ERC2: variants seen among roughly 807,000 people sequenced by gnomAD.
ERC2 encodes ERC protein 2.
A neutral mutation model predicts 114.8 loss-of-function variants in ERC2; 42 were observed. The ratio of observed to expected loss-of-function variants is 0.37; its 90% CI spans 0.29 to 0.47. ERC2 has a LOEUF of 0.47. ERC2 is among the 20% of genes least tolerant of loss of function. The probability of loss-of-function intolerance (pLI) is 0.99; values close to 1 mark genes in which losing one functional copy is unlikely to be tolerated. For missense variants in ERC2, 939 were observed against 1,150.7 expected, an observed-to-expected ratio of 0.82 and a Z score of 2.66; for synonymous variants, 454 against 425.5, an observed-to-expected ratio of 1.07 and a Z score of -0.82.
At chr3:55,638,444 T>G (rs2060042936) in intron 17 of ERC2, among the ~76,000 whole-genome samples, 1 of 152,252 alleles carries the variant, frequency 6.6e-6, no homozygotes, top group Admixed American at 6.5e-5. Context: ...GCAGTCATCG[T>G]TGTGCATAGC....
intron 3 of ERC2, among the ~76,000 whole-genome samples, chr3:56,221,037 A>C (rs971092143): frequency 3.3e-5 from 5 of 152,224 alleles, no homozygotes; most frequent in Admixed American, 3.3e-4. Flanking sequence ...TTAAATATAC[A>C]TAATACTCTA....
chr3:55,788,233 T>C (rs1482942451), intron 14 of ERC2, among the ~76,000 whole-genome samples: 2 of 152,166 alleles, frequency 1.3e-5, no homozygotes, highest in African/African-American at 2.4e-5. Flanking sequence ...TAGATCTACA[T>C]GTCTGACTTA....
chr3:55,537,668 A>G (rs1296284506), intron 17 of ERC2, among the ~76,000 whole-genome samples: 6 of 152,234 alleles, frequency 3.9e-5, no homozygotes, highest in Admixed American at 2.6e-4. Flanking sequence ...TCTTTCAGAT[A>G]CAAAGAAATC....
intron 17 of ERC2, among the ~76,000 whole-genome samples, chr3:55,597,090 T>G (rs191551947): frequency 3.4e-4 from 52 of 152,296 alleles, no homozygotes; most frequent in African/African-American, 1.2e-3. Context: ...ACAAGAAGCA[T>G]TATTATGTAC....
chr3:55,980,511 T>C (rs2070031191), intron 12 of ERC2, among the ~76,000 whole-genome samples: 1 of 152,182 alleles, frequency 6.6e-6, no homozygotes, highest in South Asian at 2.1e-4. Context: ...CATAATGAAG[T>C]GATAGAATTC....
At chr3:56,081,727 G>T (rs1006739301) in intron 6 of ERC2, among the ~76,000 whole-genome samples, 1 of 151,818 alleles carries the variant, frequency 6.6e-6, no homozygotes, top group Non-Finnish European at 1.5e-5. Context: ...GCAAAGAAAG[G>T]TCTATTTCTA....
intron 13 of ERC2, among the ~76,000 whole-genome samples, chr3:55,942,660 G>A (rs2066888812): frequency 6.6e-6 from 1 of 151,938 alleles, no homozygotes; most frequent in African/African-American, 2.4e-5. Flanking sequence ...GCTTTTTCCA[G>A]GCAACATAAA....
chr3:55,567,524 T>C (rs528012160), intron 17 of ERC2, among the ~76,000 whole-genome samples: 1 of 152,294 alleles, frequency 6.6e-6, no homozygotes, highest in Admixed American at 6.5e-5. Context: ...CTGGTCCTTC[T>C]GAGCGTATAG....
At chr3:55,567,145 G>A (rs2056427592) in intron 17 of ERC2, among the ~76,000 whole-genome samples, 1 of 152,190 alleles carries the variant, frequency 6.6e-6, no homozygotes, top group African/African-American at 2.4e-5. Flanking sequence ...ATGCAAACAA[G>A]ATCCTTCCCT....
rs142627533 is a variant in ERC2 at position 55,863,515 on chromosome 3, C to A, written c.2564+24874G>T. On this transcript the variant is annotated intron_variant, in intron 14 of 17. Transcript: ENST00000288221. ...GCCAGATTGGTTTTCCTTCCTTTTT[C>A]AAGGAAACTGAAGCAGAGTTGGGCT... is the stretch of plus-strand genomic sequence containing the variant. Among the ~76,000 whole-genome samples, 350 of 152,076 alleles carry A rather than the reference C, an allele frequency of 2.3e-3. 3 individuals are homozygous for A. Among genetic ancestry groups the A allele is most frequent in the African/African-American group, 8.2e-3 (339 of 41,496 alleles).
intron 4 of ERC2, among the ~76,000 whole-genome samples, chr3:56,162,859 A>T (rs2082124270): frequency 6.6e-6 from 1 of 151,792 alleles, no homozygotes; most frequent in South Asian, 2.1e-4. Context: ...TTTGGGTCTC[A>T]ATTGTGTTCA....
chr3:56,225,739 C>T (rs2050207697), intron 3 of ERC2, among the ~76,000 whole-genome samples: 1 of 152,194 alleles, frequency 6.6e-6, no homozygotes, highest in African/African-American at 2.4e-5. Context: ...TAATCAACAA[C>T]AGGTGTGTTC....
chr3:56,053,239 G>A (rs1420853716), intron 7 of ERC2, among the ~76,000 whole-genome samples: 1 of 152,162 alleles, frequency 6.6e-6, no homozygotes, highest in African/African-American at 2.4e-5. Flanking sequence ...AAAGGGAAGA[G>A]GCTGTGTGCC....
At chr3:56,348,983 G>GGAAA (rs1365480094) in intron 2 of ERC2, among the ~76,000 whole-genome samples, 1 of 130,248 alleles carries the variant, frequency 7.7e-6, no homozygotes, top group Non-Finnish European at 1.7e-5. Context: ...AAAGAAAGAA[G>GGAAA]GAAAGAAAGA....
At chr3:55,800,143 CTCTT>C (rs145506822) in intron 14 of ERC2, among the ~76,000 whole-genome samples, 1,598 of 151,994 alleles carry the variant, frequency 0.011, 31 homozygotes, top group African/African-American at 0.037. Flanking sequence ...TTCTCTTTCT[CTCTT>C]TCTTTCTTTG....
At chr3:55,539,015 T>C (rs946386514) in intron 17 of ERC2, among the ~76,000 whole-genome samples, 3 of 152,218 alleles carry the variant, frequency 2.0e-5, no homozygotes, top group Non-Finnish European at 4.4e-5. Flanking sequence ...TCCCAAATTA[T>C]GGCCTGAGAC....
chr3:55,628,884 A>G (rs573868403), intron 17 of ERC2, among the ~76,000 whole-genome samples: 1 of 152,304 alleles, frequency 6.6e-6, no homozygotes, highest in South Asian at 2.1e-4. Context: ...TTGGGACTGA[A>G]GCCTCTGACA....
chr3:56,108,028 G>A (rs2078762604), intron 6 of ERC2, among the ~76,000 whole-genome samples: 2 of 152,072 alleles, frequency 1.3e-5, no homozygotes, highest in Admixed American at 1.3e-4. Context: ...CTAGCATATG[G>A]AATTTAAAAT....
chr3:55,928,733 T>C (rs1026698653), intron 13 of ERC2, among the ~76,000 whole-genome samples: 2 of 152,220 alleles, frequency 1.3e-5, no homozygotes, highest in African/African-American at 2.4e-5. Context: ...AGGAGAGTCA[T>C]AGTTTGACAA....
Sources: allele counts gnomAD v4.1 joint callset (sites outside exome capture counted in the v4.1 genomes callset), GRCh38; gene constraint gnomAD v4.1.1; transcripts MANE v1.5; gene names NCBI Gene and HGNC (gene_info 2026-07-23, HGNC 2026-07-21).